The following PIGO variants were observed in gnomAD, a reference collection of about 807,000 sequenced individuals.
PIGO encodes the protein GPI ethanolamine phosphate transferase 3, catalytic subunit.
A neutral mutation model predicts 86.9 loss-of-function variants in PIGO; 66 were observed. The ratio of observed to expected loss-of-function variants is 0.76; its 90% CI spans 0.62 to 0.93. The LOEUF (loss-of-function observed/expected upper bound fraction) is 0.93, where lower values mean the gene tolerates loss of function less well. Ranked by LOEUF, PIGO falls within the 40% of genes least tolerant of loss-of-function variation. The pLI is 0.00. For synonymous variants in PIGO, 570 were observed against 556.4 expected, an observed-to-expected ratio of 1.02 and a Z score of -0.34; for missense variants, 1,202 against 1,359.1, an observed-to-expected ratio of 0.88 and a Z score of 1.82.
rs764080566 is a variant in PIGO, at chr9:35,095,270, G to A, written c.296C>T (p.Pro99Leu). The change falls in exon 2 of 11, where the codon CCC (proline) becomes CTC (leucine). Residue 99 changes from proline (P) to leucine (L), a missense_variant. Pro to Leu is a moderately conservative substitution (Grantham distance 98). Transcript: ENST00000378617. ...HVPREPPVSL[P>L]FLGKLSSLQR... ...CAAGGAGCTTAGTTTGCCCAGGAAGGGTAGGGAGACAGGAGGCTCTCTAGG... is the reference window on the plus strand; with the variant it reads ...CAAGGAGCTTAGTTTGCCCAGGAAGAGTAGGGAGACAGGAGGCTCTCTAGG... 6.2e-7 allele frequency: 1 copy of A among 1,614,146 alleles called. No individual in the cohort carries two copies. Among genetic ancestry groups the A allele is most frequent in the East Asian group, 2.2e-5 (1 of 44,874 alleles).
Position 35,095,156 on chromosome 9 carries a change from G to C in PIGO, c.410C>G (p.Ala137Gly). 1.2e-6 allele frequency: 2 copies of C among 1,614,214 alleles called. No individual in the cohort carries two copies. The highest frequency in any genetic ancestry group is 1.7e-6 in the Non-Finnish European group (2 of 1,180,038). ...PPTTTMQRLK[A>G]LTTGSLPTFI... is the part of the protein sequence containing the mutation. ...GGTAGGCAGTGAGCCAGTGGTGAGGGCCTTGAGGCGCTGCATGGTGGTGGT... is the reference window on the plus strand; with the variant it reads ...GGTAGGCAGTGAGCCAGTGGTGAGGCCCTTGAGGCGCTGCATGGTGGTGGT... Residue 137 changes from alanine to glycine, a missense_variant, in exon 2 of 11, where the codon GCC (alanine) becomes GGC (glycine). By Grantham distance (60) the Ala-to-Gly change is moderately conservative. Transcript: ENST00000378617.
chr9:35,095,856 A>G lies in PIGO; in HGVS notation c.-1-290T>C, dbSNP rs540024003. 61 of 251,402 alleles carry G rather than the reference A, an allele frequency of 2.4e-4. 2 individuals carry two copies. In the South Asian group the frequency reaches 3.9e-3, roughly 16 times the overall value. 15.6% of individuals were successfully genotyped at this position (251,402 alleles called of 1,614,324 possible). A position where few individuals can be genotyped will look rare whatever the true frequency, so the allele number is the denominator to read the frequency against. On this transcript the variant is annotated intron_variant, in intron 1 of 10. Transcript: ENST00000378617. ...TGGCGAAACCCCGTCCCTACTAAAA[A>G]TACAAAAATGGGTGGCGGGCACCTG...
In PIGO at chr9:35,095,428, G is replaced by A. The variant is rs755315231; in HGVS notation, c.138C>T (p.Gly46=). ...TNHSSCQEPP[G]PGSLPWGSQG... is the part of the protein sequence containing the mutation. ...GGCTCCCCCATGGCAGGGACCCAGG[G>A]CCTGGGGGCTCTTGGCAGCTGCTAT... is the stretch of plus-strand genomic sequence containing the variant. Residue 46 remains glycine (G), a synonymous_variant, in exon 2 of 11, where the codon GGC becomes GGT. Transcript: ENST00000378617. The A allele has an allele frequency of 3.7e-6, 6 of 1,614,116 alleles. No individual in the cohort carries two copies. Among genetic ancestry groups the A allele is most frequent in the South Asian group, 2.2e-5 (2 of 91,084 alleles).
rs754771826 is a variant in PIGO, at chr9:35,092,221, G to T, written c.1666C>A (p.Arg556Ser). 3.1e-6 allele frequency: 5 copies of T among 1,614,218 alleles called. No homozygotes were observed. The highest frequency in any genetic ancestry group is 4.2e-6 in the Non-Finnish European group (5 of 1,180,050). ...CTATCAGAGAAGAACACAGCCAAGC[G>T]AAACAGCAGGAGTAACAGGACGGGC... is the stretch of plus-strand genomic sequence containing the variant. ...PGPVLLLLLFRLAVFFSDSFV... is the reference protein window; with the variant it reads ...PGPVLLLLLFSLAVFFSDSFV... The change falls in exon 7 of 11, where the codon CGC (arginine) becomes AGC (serine). Residue 556 changes from arginine to serine, a missense_variant. Arg to Ser is a moderately radical substitution (Grantham distance 110). Coordinates refer to ENST00000378617, the MANE Select transcript of PIGO (RefSeq NM_032634.4).
In PIGO at chr9:35,091,904, C is replaced by T; in HGVS notation, c.1983G>A (p.Val661=). 1.2e-6 allele frequency: 2 copies of T among 1,614,244 alleles called. No homozygotes were observed. Among genetic ancestry groups the T allele is most frequent in the Non-Finnish European group, 1.7e-6 (2 of 1,180,052 alleles). ...SPWLSPLASM[V]GGRAKNLWYG... ...ACCACAAATTCTTGGCTCGACCACCCACCATGGATGCCAGAGGACTCAGCC... is the reference window on the plus strand; with the variant it reads ...ACCACAAATTCTTGGCTCGACCACCTACCATGGATGCCAGAGGACTCAGCC... Residue 661 remains valine, a synonymous_variant, in exon 7 of 11, where the codon GTG becomes GTA. Transcript: ENST00000378617.
intron 6 of PIGO, 23 bp from the exon 7 acceptor site, chr9:35,092,790 C>T (rs1829495134): frequency 1.3e-6 from 2 of 1,573,222 alleles, no homozygotes; most frequent in African/African-American, 2.7e-5. Flanking sequence ...AGGTCAGAGG[C>T]CAAGGGGAAC....
In PIGO at chr9:35,091,702, G is replaced by A. The variant is rs925153680; in HGVS notation, c.2185C>T (p.Pro729Ser). ...GAGACCAGGACCCGGAGACGGGGGG[G>A]AGCCTCATCTGCCCCCGACGCCAAT... is the stretch of plus-strand genomic sequence containing the variant. ...WALASGADEA[P>S]PRLRVLVSGA... is the part of the protein sequence containing the mutation. Residue 729 changes from proline to serine, a missense_variant, in exon 7 of 11, where the codon CCC becomes TCC. Transcript: ENST00000378617. The A allele has an allele frequency of 1.2e-6, 2 of 1,612,428 alleles. No homozygotes were observed. The highest frequency in any genetic ancestry group is 2.2e-5 in the East Asian group (1 of 44,880).
chr9:35,092,685 G>C lies in PIGO; in HGVS notation c.1202C>G (p.Ser401Cys). Reference sequence around the variant, plus strand: ...CCACTGGTAGTCAGCAGAGGCCTTGGAGAAGAGGTTCTGCAGCTGATGAAG... The same window carrying C: ...CCACTGGTAGTCAGCAGAGGCCTTGCAGAAGAGGTTCTGCAGCTGATGAAG... The part of the protein sequence containing the change: ...KELHQLQNLF[S>C]KASADYQWLL... The change falls in exon 7 of 11, where the codon TCC becomes TGC. Residue 401 changes from serine to cysteine, a missense_variant. By Grantham distance (112) the Ser-to-Cys change is moderately radical. Coordinates refer to ENST00000378617, the MANE Select transcript of PIGO (RefSeq NM_032634.4). 1 of 1,614,182 alleles carries C rather than the reference G, an allele frequency of 6.2e-7. No homozygotes were observed. The highest frequency in any genetic ancestry group is 8.5e-7 in the Non-Finnish European group (1 of 1,180,044).
rs756043994 is a variant in PIGO, at chr9:35,095,201, C to T, written c.365G>A (p.Arg122Gln). The T allele has an allele frequency of 2.6e-5, 42 of 1,614,042 alleles. No homozygotes were observed. The Admixed American group carries it at 4.2e-4, about 16-fold the overall frequency. Residue 122 changes from arginine (R) to glutamine (Q), a missense_variant, in exon 2 of 11, where the codon CGA becomes CAA. Physicochemically the swap from Arg to Gln is conservative, Grantham distance 43. Transcript: ENST00000378617. The part of the protein sequence containing the change: ...EIQPHHARLY[R>Q]SQVDPPTTTM... ...GGTGGTAGGAGGGTCAACCTGAGAT[C>T]GGTAGAGCCGGGCATGGTGGGGCTG... is the stretch of plus-strand genomic sequence containing the variant.
intron 7 of PIGO, 156 bp downstream of exon 7, chr9:35,091,084 G>GT (rs1375928807): frequency 2.4e-6 from 2 of 835,306 alleles, no homozygotes; most frequent in Non-Finnish European, 3.6e-6. Flanking sequence ...GCTATGGCAG[G>GT]TAAGAGAGAG....
intron 1 of PIGO, 97 bp from the exon 2 acceptor site, chr9:35,095,663 CG>C (rs1829640035): frequency 2.2e-6 from 3 of 1,353,782 alleles, no homozygotes; most frequent in Non-Finnish European, 2.9e-6. Flanking sequence ...CACTTCCTCC[CG>C]GAAACCTTCC....
At chr9:35,095,678 A>AG in intron 1 of PIGO, 112 bp from the exon 2 acceptor site, 1 of 1,311,058 alleles carries the variant, frequency 7.6e-7, no homozygotes, top group Non-Finnish European at 1.0e-6. Context: ...ACCTTCCTGG[A>AG]GATAAACCAT....
Position 35,092,526 on chromosome 9 carries a change from C to A in PIGO, c.1361G>T (p.Gly454Val), listed in dbSNP as rs751477063. 3 of 1,614,156 alleles carry A rather than the reference C, an allele frequency of 1.9e-6. No individual in the cohort carries two copies. Among genetic ancestry groups the A allele is most frequent in the Admixed American group, 3.3e-5 (2 of 60,036 alleles). Residue 454 changes from glycine (G) to valine (V), a missense_variant, in exon 7 of 11, where the codon GGT becomes GTT. By Grantham distance (109) the Gly-to-Val change is moderately radical (BLOSUM62 -3). Transcript: ENST00000378617. ...ARFSLVRMAG[G>V]TALLAASCFI... ...GCAGGAAGCAGCCAAGAGAGCAGTA[C>A]CCCCCGCCATGCGGACCAGAGAGAA...
rs1829346935 is a variant in PIGO, at chr9:35,090,148, A to G, written c.2987T>C (p.Met996Thr). The G allele has an allele frequency of 6.2e-7, 1 of 1,614,090 alleles. No homozygotes were observed. The highest frequency in any genetic ancestry group is 1.1e-5 in the South Asian group (1 of 91,090). ...PEEEEEPLMEMRLRDAPQHFY... is the reference protein window; with the variant it reads ...PEEEEEPLMETRLRDAPQHFY... ...GTGCTGAGGCGCATCCCGGAGCCGC[A>G]TCTCCATCAGTGGCTCCTCTTCCTC... The change falls in exon 9 of 11, where the codon ATG becomes ACG. Residue 996 changes from methionine (M) to threonine (T), a missense_variant. Met to Thr is a moderately conservative substitution (Grantham distance 81, BLOSUM62 -1). Transcript: ENST00000378617.
Position 35,093,414 on chromosome 9 carries a change from G to A in PIGO, c.939+7C>T. On this transcript the variant is annotated splice_region_variant and intron_variant, in intron 5 of 10. Coordinates refer to ENST00000378617, the MANE Select transcript of PIGO (RefSeq NM_032634.4). The stretch of plus-strand genomic sequence containing the variant: ...GGAGAACAGATGAGGAACATCCCAG[G>A]CCTCACCTCTGGTGGGGTGCTGGGG... 3 of 1,614,080 alleles carry A rather than the reference G, an allele frequency of 1.9e-6. No individual in the cohort carries two copies. Among genetic ancestry groups the A allele is most frequent in the Non-Finnish European group, 2.5e-6 (3 of 1,179,998 alleles).
intron 7 of PIGO, 102 bp downstream of exon 7, chr9:35,091,138 C>G: frequency 7.5e-7 from 1 of 1,335,034 alleles, no homozygotes; most frequent in Non-Finnish European, 1.0e-6. Flanking sequence ...ATGGGACCCT[C>G]TGTCAAGCTC....
At position 35,090,104 on chromosome 9, in the gene PIGO, G is replaced by A; in HGVS notation, c.3031C>T (p.Gln1011Ter). 1 of 1,614,224 alleles carries A rather than the reference G, an allele frequency of 6.2e-7. No individual in the cohort carries two copies. The highest frequency in any genetic ancestry group is 1.1e-5 in the South Asian group (1 of 91,086). ...APQHFYAALLQLGLKYLFILG... is the reference protein window; with the variant it reads ...APQHFYAALL ...ATAAAGAGGTACTTGAGGCCCAGCT[G>A]CAGCAGTGCTGCATAGAAGTGCTGA... The change falls in exon 9 of 11, where the codon CAG becomes TAG. Residue 1011 changes from glutamine (Q) to a stop codon, truncating the protein, a stop_gained. Transcript: ENST00000378617. LOFTEE classifies it high-confidence loss of function.
rs752508027 is a variant in PIGO, at chr9:35,091,667, G to C, written c.2220C>G (p.Ser740=). Residue 740 remains serine (S), a synonymous_variant, in exon 7 of 11, where the codon TCC becomes TCG. Transcript: ENST00000378617. ...CTGCTACAGCCCGAGGCAGCACCAT[G>C]GATGCCCCAGAGACCAGGACCCGGA... The part of the protein sequence containing the change: ...PRLRVLVSGA[S]MVLPRAVAGL... 1 of 1,613,060 alleles carries C rather than the reference G, an allele frequency of 6.2e-7. No homozygotes were observed. The highest frequency in any genetic ancestry group is 8.5e-7 in the Non-Finnish European group (1 of 1,180,030).
chr9:35,089,568 G>A (rs1476106257), intron 9 of PIGO, 118 bp from the exon 10 acceptor site: 3 of 1,527,996 alleles, frequency 2.0e-6, no homozygotes, highest in South Asian at 2.5e-5. Context: ...CATGTCAGTG[G>A]AAAAAATATT....
Sources: gnomAD v4.1 joint callset for allele counts on GRCh38, gnomAD v4.1.1 for gene constraint, MANE v1.5 for transcripts, NCBI Gene and HGNC (gene_info 2026-07-23, HGNC 2026-07-21) for gene names.